ADAMTSL1: variants seen among roughly 807,000 people sequenced by gnomAD.
ADAMTSL1 encodes the protein ADAMTS-like protein 1.
A neutral mutation model predicts 201.8 loss-of-function variants in ADAMTSL1; 126 were observed. That is an observed-to-expected ratio of 0.62 (90% confidence interval 0.54 to 0.72). The LOEUF (loss-of-function observed/expected upper bound fraction) is 0.72. Among genes scored for constraint, ADAMTSL1 ranks in the 30% least tolerant of loss-of-function variants. The pLI is 0.00. For synonymous variants in ADAMTSL1, 1,121 were observed against 903.4 expected (o/e 1.24, Z -4.32); for missense variants, 2,679 against 2,277.8 (o/e 1.18, Z -3.59).
intron 1 of ADAMTSL1, among the ~76,000 whole-genome samples, chr9:17,907,656 A>C (rs868150741): frequency 4.6e-5 from 7 of 152,112 alleles, no homozygotes; most frequent in Admixed American, 2.0e-4. Flanking sequence ...GGGCCCTGGG[A>C]GAGGGTGTCT....
chr9:18,433,228 T>G (rs552857451), intron 2 of ADAMTSL1, among the ~76,000 whole-genome samples: 1 of 152,206 alleles, frequency 6.6e-6, no homozygotes, highest in Admixed American at 6.5e-5. Flanking sequence ...TCAAAAGTTG[T>G]GGAGAGTTTT....
chr9:18,548,897 C>G (rs371426996), intron 3 of ADAMTSL1, among the ~76,000 whole-genome samples: 3 of 151,704 alleles, frequency 2.0e-5, no homozygotes, highest in African/African-American at 7.3e-5. Flanking sequence ...AAATTCCAAA[C>G]AAGATGCAGA....
At chr9:18,437,494 G>A (rs1390356523) in intron 2 of ADAMTSL1, among the ~76,000 whole-genome samples, 1 of 151,972 alleles carries the variant, frequency 6.6e-6, no homozygotes, top group Non-Finnish European at 1.5e-5. Flanking sequence ...CACTGCTACA[G>A]GGCCAAGTCT....
chr9:18,032,301 A>G (rs1186846966), intron 1 of ADAMTSL1, among the ~76,000 whole-genome samples: 1 of 152,152 alleles, frequency 6.6e-6, no homozygotes, highest in African/African-American at 2.4e-5. Flanking sequence ...CCTTAGCTCA[A>G]TACCCCTCAG....
chr9:18,793,841 C>T (rs1822200453), intron 19 of ADAMTSL1, among the ~76,000 whole-genome samples: 1 of 152,146 alleles, frequency 6.6e-6, no homozygotes, highest in African/African-American at 2.4e-5. Flanking sequence ...CAGTTATCAG[C>T]CAGCCTCACT....
intron 2 of ADAMTSL1, among the ~76,000 whole-genome samples, chr9:18,196,698 A>G (rs1829196448): frequency 6.6e-6 from 1 of 152,034 alleles, no homozygotes; most frequent in African/African-American, 2.4e-5. Context: ...GTCTCCATGA[A>G]TCTGATTCCG....
chr9:18,705,593 T>C (rs921548560), intron 13 of ADAMTSL1, among the ~76,000 whole-genome samples: 1 of 152,192 alleles, frequency 6.6e-6, no homozygotes, highest in Non-Finnish European at 1.5e-5. Context: ...TCATTTACAG[T>C]GGTATGTGTG....
intron 2 of ADAMTSL1, among the ~76,000 whole-genome samples, chr9:18,370,584 T>G (rs1050498475): frequency 2.0e-5 from 3 of 152,202 alleles, no homozygotes; most frequent in Non-Finnish European, 2.9e-5. Flanking sequence ...TAACAGAAAT[T>G]GTTATAGCCT....
At chr9:18,787,845 T>C (rs147775835) in intron 19 of ADAMTSL1, among the ~76,000 whole-genome samples, 110 of 152,262 alleles carry the variant, frequency 7.2e-4, no homozygotes, top group African/African-American at 2.5e-3. Flanking sequence ...GGAAATCCAG[T>C]CAGTCATTTC....
chr9:18,393,455 C>T (rs552069126), intron 2 of ADAMTSL1, among the ~76,000 whole-genome samples: 10 of 152,196 alleles, frequency 6.6e-5, no homozygotes, highest in African/African-American at 2.4e-4. Context: ...CTGGGAAACC[C>T]CTCAGTTCTG....
chr9:18,373,085 A>G lies in ADAMTSL1; in HGVS notation c.208-131744A>G, dbSNP rs112073422. ...TTGGAACTTCCTGCTATAATTTCTA[A>G]AATTATAGGTTTAAGTTGGATTATT... On this transcript the variant is annotated intron_variant, in intron 2 of 29. Coordinates refer to the ADAMTSL1 transcript ENST00000680146. Among the ~76,000 whole-genome samples the G allele has an allele frequency of 3.6e-3, 547 of 152,282 alleles. 3 individuals carry two copies. Among genetic ancestry groups the G allele is most frequent in the African/African-American group, 0.012 (506 of 41,570 alleles).
At chr9:18,125,220 C>T (rs898577694) in intron 1 of ADAMTSL1, among the ~76,000 whole-genome samples, 5 of 152,124 alleles carry the variant, frequency 3.3e-5, no homozygotes, top group Non-Finnish European at 7.3e-5. Flanking sequence ...ACACGGATGG[C>T]AGCAGGGAAA....
At chr9:18,301,227 T>A (rs1444314757) in intron 2 of ADAMTSL1, among the ~76,000 whole-genome samples, 1 of 152,154 alleles carries the variant, frequency 6.6e-6, no homozygotes, top group Admixed American at 6.5e-5. Flanking sequence ...TTCAGAGATG[T>A]TAAAAGGTAT....
chr9:18,688,689 A>AAAAATATAT (rs1554730404), intron 13 of ADAMTSL1, among the ~76,000 whole-genome samples: 3 of 8,652 alleles, frequency 3.5e-4, no homozygotes, highest in Non-Finnish European at 4.4e-4. Context: ...AAAAAAAAAA[A>AAAAATATAT]ATATATATAT....
chr9:18,779,632 T>C (rs759449653), intron 19 of ADAMTSL1, among the ~76,000 whole-genome samples: 14 of 152,222 alleles, frequency 9.2e-5, no homozygotes, highest in Non-Finnish European at 1.9e-4. Flanking sequence ...CCACAACTCA[T>C]ACTTTCCTTA....
chr9:18,241,925 T>C (rs1831080803), intron 2 of ADAMTSL1, among the ~76,000 whole-genome samples: 1 of 152,106 alleles, frequency 6.6e-6, no homozygotes, highest in Non-Finnish European at 1.5e-5. Context: ...AGTTGAATTT[T>C]ACCAAATATT....
intron 1 of ADAMTSL1, among the ~76,000 whole-genome samples, chr9:18,490,880 T>C (rs977092954): frequency 2.6e-5 from 4 of 151,798 alleles, no homozygotes; most frequent in South Asian, 2.1e-4. Flanking sequence ...TTCGGGAGTA[T>C]TGGGGAAGTG....
intron 2 of ADAMTSL1, among the ~76,000 whole-genome samples, chr9:18,329,049 G>A (rs181679895): frequency 4.6e-5 from 7 of 152,240 alleles, no homozygotes; most frequent in African/African-American, 1.4e-4. Flanking sequence ...CTCATCCCCA[G>A]TGTGAGGATA....
At chr9:18,252,056 A>AAAG (rs1432142165) in intron 2 of ADAMTSL1, among the ~76,000 whole-genome samples, 1 of 152,142 alleles carries the variant, frequency 6.6e-6, no homozygotes, top group Non-Finnish European at 1.5e-5. Context: ...CAAGATACTA[A>AAAG]AAGAAAAAAA....
Sources: gnomAD v4.1 joint callset for allele counts (sites outside exome capture counted in the v4.1 genomes callset) on GRCh38, gnomAD v4.1.1 for gene constraint, MANE v1.5 for transcripts, NCBI Gene and HGNC (gene_info 2026-07-23, HGNC 2026-07-21) for gene names.